Variants in CAPRIN2 observed in about 807,000 individuals in gnomAD.
CAPRIN2 encodes the protein caprin family member 2, also known as caprin-2.
CAPRIN2 carries 66 observed loss-of-function variants against 130.4 expected under a neutral mutation model. The observed-to-expected ratio is 0.51, with a 90% CI of 0.42 to 0.62. The LOEUF (loss-of-function observed/expected upper bound fraction) is 0.62, where lower values mean the gene tolerates loss of function less well. CAPRIN2 is among the 20% of genes least tolerant of loss of function. The probability of loss-of-function intolerance (pLI) is 0.00; values close to 1 mark genes in which losing one functional copy is unlikely to be tolerated. For synonymous variants in CAPRIN2, 471 were observed against 444.1 expected, an observed-to-expected ratio of 1.06 and a Z score of -0.76; for missense variants, 1,185 against 1,246.6, an observed-to-expected ratio of 0.95 and a Z score of 0.74.
exon 1 of CAPRIN2, chr12:30,754,282 C>T (rs184891680): frequency 6.5e-6 from 1 of 153,680 alleles, no homozygotes; most frequent in African/African-American, 2.4e-5. Flanking sequence ...AGTTTAAGAG[C>T]TCATTCTAGC....
intron 13 of CAPRIN2, 126 bp from the exon 16 acceptor site, chr12:30,715,267 T>A (rs2057105081): frequency 1.5e-6 from 1 of 686,904 alleles, no homozygotes; most frequent in Admixed American, 2.5e-5. Flanking sequence ...GAGATACATA[T>A]ATTCATGTAT....
At chr12:30,736,007 G>T (rs1303104641) in intron 3 of CAPRIN2, among the ~76,000 whole-genome samples, 1 of 151,986 alleles carries the variant, frequency 6.6e-6, no homozygotes, top group East Asian at 1.9e-4. Flanking sequence ...TGGGCATGGT[G>T]GTGTGTGTCT....
chr12:30,722,049 G>A (rs1455405258), intron 11 of CAPRIN2, among the ~76,000 whole-genome samples: 2 of 152,186 alleles, frequency 1.3e-5, no homozygotes, highest in Non-Finnish European at 2.9e-5. Context: ...TAACTCTGTT[G>A]CTAAGGGAAG....
chr12:30,741,500 A>G (rs775871562), intron 2 of CAPRIN2, among the ~76,000 whole-genome samples: 8 of 152,192 alleles, frequency 5.3e-5, no homozygotes, highest in Non-Finnish European at 1.2e-4. Context: ...AGCAACTTCA[A>G]GACATTTATA....
intron 3 of CAPRIN2, among the ~76,000 whole-genome samples, chr12:30,736,232 C>CTTA (rs1366677456): frequency 6.6e-6 from 1 of 151,756 alleles, no homozygotes; most frequent in East Asian, 1.9e-4. Flanking sequence ...ACTATAATAC[C>CTTA]TTAAAGTCTG....
At chr12:30,730,792 C>A (rs935749478) in intron 6 of CAPRIN2, among the ~76,000 whole-genome samples, 4 of 152,156 alleles carry the variant, frequency 2.6e-5, no homozygotes, top group African/African-American at 9.7e-5. Context: ...GCTACCAGAA[C>A]CCTGCCTGGA....
At chr12:30,719,008 A>G in intron 12 of CAPRIN2, 71 bp downstream of exon 14, 1 of 1,510,010 alleles carries the variant, frequency 6.6e-7, no homozygotes, top group Non-Finnish European at 9.0e-7. Context: ...GTATCCAATA[A>G]TTATGTAAGA....
intron 4 of CAPRIN2, 80 bp downstream of exon 5, chr12:30,734,880 ACACACACT>A (rs537136702): frequency 0.066 from 45,586 of 692,218 alleles, 939 homozygotes; most frequent in Non-Finnish European, 0.078. Flanking sequence ...ACACACACAC[ACACACACT>A]CTCTCTCTCA....
chr12:30,717,075 C>T (rs570059816), intron 12 of CAPRIN2, among the ~76,000 whole-genome samples: 2 of 152,262 alleles, frequency 1.3e-5, no homozygotes, highest in South Asian at 4.1e-4. Context: ...TCCACTAATT[C>T]CATTTCTAGG....
chr12:30,739,082 T>C (rs1216137677), intron 3 of CAPRIN2, among the ~76,000 whole-genome samples: 1 of 152,228 alleles, frequency 6.6e-6, no homozygotes, highest in Admixed American at 6.5e-5. Context: ...TAAATCATTC[T>C]ACCATAAAGA....
At chr12:30,734,271 G>A (rs1018056533) in intron 4 of CAPRIN2, among the ~76,000 whole-genome samples, 1 of 152,164 alleles carries the variant, frequency 6.6e-6, no homozygotes, top group African/African-American at 2.4e-5. Context: ...ATCAGAGACT[G>A]ATTTCTGGTA....
chr12:30,713,986 A>G, intron 14 of CAPRIN2, 101 bp from the exon 17 acceptor site: 1 of 616,302 alleles, frequency 1.6e-6, no homozygotes, highest in Non-Finnish European at 2.8e-6. Flanking sequence ...TGATTATATA[A>G]TGCCATCATT....
At chr12:30,732,453 A>G (rs1362491164) in intron 5 of CAPRIN2, among the ~76,000 whole-genome samples, 1 of 151,944 alleles carries the variant, frequency 6.6e-6, no homozygotes, top group African/African-American at 2.4e-5. Context: ...TATCTTAACT[A>G]TACAGTTTTA....
Position 30,735,133 on chromosome 12 carries a change from C to T in CAPRIN2, c.644G>A (p.Arg215Gln), listed in dbSNP as rs139487645. ...TACATACTGAACTTGAAGTATAGTTCGAAGCTTTTTCTTCTCAGCCTCAAG... is the reference window on the plus strand; with the variant it reads ...TACATACTGAACTTGAAGTATAGTTTGAAGCTTTTTCTTCTCAGCCTCAAG... The change falls in exon 4 of 17, where the codon CGA becomes CAA. Residue 215 changes from arginine to glutamine, a missense_variant. This residue lies in a region of CAPRIN2 where 1,104 missense variants were observed against 1,104.3 expected (regional missense o/e 1.00). Coordinates refer to ENST00000298892, the Ensembl canonical transcript of CAPRIN2. 5.2e-5 allele frequency: 84 copies of T among 1,613,962 alleles called. No individual in the cohort carries two copies. The African/African-American group carries it at 6.8e-4, about 13-fold the overall frequency.
In CAPRIN2 at chr12:30,724,396, G is replaced by A. The variant is rs1398389296; in HGVS notation, c.1961C>T (p.Pro654Leu). Reference sequence around the variant, plus strand: ...TACGGGGCTACCTGGAGTAGCTGAAGGCGGTTGTGACGTTGGAATTGCACT... The same window carrying A: ...TACGGGGCTACCTGGAGTAGCTGAAAGCGGTTGTGACGTTGGAATTGCACT... Residue 654 changes from proline (P) to leucine (L), a missense_variant, in exon 10 of 17, where the codon CCT becomes CTT. Pro to Leu is a moderately conservative substitution (Grantham distance 98, BLOSUM62 -3). Around this residue, in one of 2 missense-constraint regions of CAPRIN2, gnomAD observed 1,104 missense variants for 1,104.3 expected, o/e 1.00. Transcript: ENST00000298892. 7.4e-6 allele frequency: 12 copies of A among 1,613,062 alleles called. No individual in the cohort carries two copies. The Admixed American group carries it at 2.0e-4, about 27-fold the overall frequency.
intron 15 of CAPRIN2, among the ~76,000 whole-genome samples, chr12:30,712,039 G>A (rs1048275879): frequency 1.3e-5 from 2 of 152,030 alleles, no homozygotes; most frequent in African/African-American, 4.8e-5. Context: ...AAACTGGGAA[G>A]ACCAATACCA....
In CAPRIN2 at chr12:30,723,318, C is replaced by T. The variant is rs1306466675; in HGVS notation, c.1988-4G>A. ...GACAGATTTTGTTCTTTAGATGCTG[C>T]AAGGAGTAAAATAAACAGTAACTAC... On this transcript the variant is annotated splice_polypyrimidine_tract_variant and splice_region_variant and intron_variant, in intron 10 of 16. Coordinates refer to ENST00000298892, the Ensembl canonical transcript of CAPRIN2. The T allele has an allele frequency of 6.2e-7, 1 of 1,607,664 alleles. No homozygotes were observed. The highest frequency in any genetic ancestry group is 8.5e-7 in the Non-Finnish European group (1 of 1,174,800).
rs2066245587 is a variant in CAPRIN2, at chr12:30,739,250, G to C, written c.570+1770C>G. On this transcript the variant is annotated intron_variant, in intron 3 of 16. Transcript: ENST00000298892. ...AAAAAAGAACAAGATCATGTCCTTTGCAGGAACATGGATGGAGTTGCAGGC... is the reference window on the plus strand; with the variant it reads ...AAAAAAGAACAAGATCATGTCCTTTCCAGGAACATGGATGGAGTTGCAGGC... 1.3e-5 allele frequency among the ~76,000 whole-genome samples: 2 copies of C among 152,200 alleles called. 1 individual carries two copies. Among genetic ancestry groups the C allele is most frequent in the South Asian group, 4.1e-4 (2 of 4,830 alleles).
intron 8 of CAPRIN2, 29 bp from the exon 10 acceptor site, chr12:30,726,117 GT>G: frequency 7.2e-7 from 1 of 1,383,708 alleles, no homozygotes; most frequent in Non-Finnish European, 9.5e-7. Flanking sequence ...ATGTGTAAGA[GT>G]GAAATGCAAA....
Sources: gnomAD v4.1 joint callset for allele counts (sites outside exome capture counted in the v4.1 genomes callset) on GRCh38, gnomAD v4.1.1 for gene constraint, gnomAD v4.1.1 regional missense constraint, MANE v1.5 for transcripts, NCBI Gene and HGNC (gene_info 2026-07-23, HGNC 2026-07-21) for gene names.